RALGAPA2: variants seen among roughly 807,000 people sequenced by gnomAD.
RALGAPA2 encodes the protein ral GTPase-activating protein subunit alpha-2.
Under a neutral mutation model 230.4 loss-of-function variants are expected in RALGAPA2, and 139 were observed. The ratio of observed to expected loss-of-function variants is 0.60; its 90% CI spans 0.53 to 0.69. The LOEUF (loss-of-function observed/expected upper bound fraction) is 0.69. RALGAPA2 is among the 30% of genes least tolerant of loss of function. The probability of loss-of-function intolerance (pLI) is 0.00; values close to 1 mark genes in which losing one functional copy is unlikely to be tolerated. For synonymous variants in RALGAPA2, 847 were observed against 837.8 expected, an observed-to-expected ratio of 1.01 and a Z score of -0.19; for missense variants, 2,163 against 2,276.0, an observed-to-expected ratio of 0.95 and a Z score of 1.01.
At chr20:20,701,509 C>T (rs1484969533) in intron 1 of RALGAPA2, among the ~76,000 whole-genome samples, 4 of 151,552 alleles carry the variant, frequency 2.6e-5, no homozygotes, top group Non-Finnish European at 5.9e-5. Flanking sequence ...GAGGCCAAGG[C>T]GGGCAGATCA....
chr20:20,489,488 A>C (rs1005292473), intron 36 of RALGAPA2, among the ~76,000 whole-genome samples: 1 of 152,142 alleles, frequency 6.6e-6, no homozygotes, highest in Non-Finnish European at 1.5e-5. Flanking sequence ...ATATAAAAAA[A>C]TAAGTGTACT....
chr20:20,417,186 G>A (rs1239264563), intron 37 of RALGAPA2, among the ~76,000 whole-genome samples: 1 of 152,180 alleles, frequency 6.6e-6, no homozygotes, highest in Non-Finnish European at 1.5e-5. Context: ...ATTAGGGTGT[G>A]TAAAAGGTTG....
chr20:20,648,786 G>T (rs1460840235), intron 4 of RALGAPA2, among the ~76,000 whole-genome samples: 1 of 152,146 alleles, frequency 6.6e-6, no homozygotes, highest in East Asian at 1.9e-4. Flanking sequence ...GGAGGTAGAA[G>T]ATGGCATGTA....
intron 23 of RALGAPA2, among the ~76,000 whole-genome samples, chr20:20,566,154 C>G (rs1456044158): frequency 6.6e-6 from 1 of 152,174 alleles, no homozygotes; most frequent in Non-Finnish European, 1.5e-5. Context: ...CACCACTCCC[C>G]ACATCTACCT....
At chr20:20,397,392 G>T (rs2059739201) in intron 38 of RALGAPA2, among the ~76,000 whole-genome samples, 1 of 152,228 alleles carries the variant, frequency 6.6e-6, no homozygotes, top group South Asian at 2.1e-4. Flanking sequence ...TAGTCACACA[G>T]AACTGAGGGG....
chr20:20,691,129 ACT>A (rs2068888920), intron 1 of RALGAPA2, among the ~76,000 whole-genome samples: 1 of 151,660 alleles, frequency 6.6e-6, no homozygotes, highest in African/African-American at 2.4e-5. Flanking sequence ...CAAGAAATCC[ACT>A]CTCTCGTCAC....
chr20:20,712,268 ATCCCCCT>A lies in RALGAPA2; in HGVS notation c.106+100_106+106del. 8.9e-5 allele frequency: 31 copies of A among 346,856 alleles called. No homozygotes were observed. Among genetic ancestry groups the A allele is most frequent in the East Asian group, 1.5e-4 (1 of 6,822 alleles). The allele number at this position is 346,856 out of a possible 1,614,324, so 21.5% of individuals were successfully genotyped here. A position where few individuals can be genotyped will look rare whatever the true frequency, so the allele number is the denominator to read the frequency against. On this transcript the variant is annotated intron_variant, in intron 1 of 39. Coordinates refer to ENST00000202677, the MANE Select transcript of RALGAPA2 (RefSeq NM_020343.4). The surrounding 1 kb of genome is among the most constrained non-coding windows in gnomAD (Gnocchi z 5.5). ...AGGGAAGGGGGTCGGACGCCCACCC[ATCCCCCT>A]CCCCAGCCTCCCAGCCACCGACCCC...
At chr20:20,662,526 T>C (rs2067816942) in intron 3 of RALGAPA2, among the ~76,000 whole-genome samples, 1 of 151,996 alleles carries the variant, frequency 6.6e-6, no homozygotes, top group African/African-American at 2.4e-5. Flanking sequence ...AAGAAATCAA[T>C]AAAAATAAAA....
intron 4 of RALGAPA2, among the ~76,000 whole-genome samples, chr20:20,647,351 A>G (rs2067250285): frequency 6.6e-6 from 1 of 152,204 alleles, no homozygotes; most frequent in Non-Finnish European, 1.5e-5. Flanking sequence ...CTCTGGGCTA[A>G]TGGTATGCCA....
chr20:20,472,735 A>C, intron 37 of RALGAPA2, 94 bp downstream of exon 37: 2 of 1,373,888 alleles, frequency 1.5e-6, no homozygotes, highest in South Asian at 3.6e-5. Context: ...TTCCCTCTTC[A>C]ATTCAGTTTT....
chr20:20,593,097 C>T (rs1436948116), intron 16 of RALGAPA2, among the ~76,000 whole-genome samples: 1 of 152,180 alleles, frequency 6.6e-6, no homozygotes, highest in Non-Finnish European at 1.5e-5. Context: ...TTTGTCTTTT[C>T]ACAGAGATGG....
At chr20:20,428,056 T>G (rs960597988) in intron 37 of RALGAPA2, among the ~76,000 whole-genome samples, 3 of 152,164 alleles carry the variant, frequency 2.0e-5, no homozygotes, top group Non-Finnish European at 4.4e-5. Context: ...AAATAAAATT[T>G]CAGAAAAAAA....
At position 20,695,836 on chromosome 20, in the gene RALGAPA2, T is replaced by A. The variant is rs540540534; in HGVS notation, c.107-15035A>T. Among the ~76,000 whole-genome samples the A allele has an allele frequency of 2.3e-4, 35 of 152,324 alleles. 1 individual carries two copies. The Middle Eastern group carries it at 0.02, about 89-fold the overall frequency. ...CCAACATAAAGCACAACTGGGGTCC[T>A]AATTTGGGTGGATATCTGATGTGGA... On this transcript the variant is annotated intron_variant, in intron 1 of 39. Coordinates refer to ENST00000202677, the MANE Select transcript of RALGAPA2 (RefSeq NM_020343.4).
intron 24 of RALGAPA2, among the ~76,000 whole-genome samples, chr20:20,541,134 T>C (rs946287815): frequency 2.0e-5 from 3 of 152,040 alleles, no homozygotes; most frequent in African/African-American, 7.2e-5. Flanking sequence ...TTTGTCTTTT[T>C]GGTGAAAGCC....
At chr20:20,447,120 GTC>G (rs1329285626) in intron 37 of RALGAPA2, among the ~76,000 whole-genome samples, 6 of 152,142 alleles carry the variant, frequency 3.9e-5, no homozygotes, top group African/African-American at 1.4e-4. Flanking sequence ...AGTGGTTTGA[GTC>G]TCTTTTTCAA....
In RALGAPA2 at chr20:20,491,210, C is replaced by G. The variant is rs114919298; in HGVS notation, c.5367+3907G>C. ...TCCTGTCTTACTACTTCCCCTCCTA[C>G]GCTTTTCACAAATCACTGAATCACT... On this transcript the variant is annotated intron_variant, in intron 36 of 39. Transcript: ENST00000202677. Among the ~76,000 whole-genome samples, 292 of 152,278 alleles carry G rather than the reference C, an allele frequency of 1.9e-3. 1 individual carries two copies. The highest frequency in any genetic ancestry group is 6.8e-3 in the African/African-American group (282 of 41,554).
In RALGAPA2 at chr20:20,413,528, TTAAAG is replaced by T. The variant is rs375560489; in HGVS notation, c.5496-1385_5496-1381del. The stretch of plus-strand genomic sequence containing the variant: ...ATATCTCATTTTAAATCTGAATTAA[TTAAAG>T]TAAAGAGCTAAAATTCAGTTGCTTT... On this transcript the variant is annotated intron_variant, in intron 37 of 39. Coordinates refer to ENST00000202677, the MANE Select transcript of RALGAPA2 (RefSeq NM_020343.4). Among the ~76,000 whole-genome samples, 869 of 152,242 alleles carry T rather than the reference TTAAAG, an allele frequency of 5.7e-3. 6 individuals carry two copies. Among genetic ancestry groups the T allele is most frequent in the African/African-American group, 0.015 (614 of 41,524 alleles).
At chr20:20,622,263 G>GA (rs772651491) in intron 10 of RALGAPA2, among the ~76,000 whole-genome samples, 5 of 150,568 alleles carry the variant, frequency 3.3e-5, no homozygotes, top group South Asian at 4.2e-4. Context: ...TGGAGATGCA[G>GA]AAAAAAACAG....
At chr20:20,700,082 T>A (rs2069286051) in intron 1 of RALGAPA2, among the ~76,000 whole-genome samples, 1 of 151,990 alleles carries the variant, frequency 6.6e-6, no homozygotes, top group Non-Finnish European at 1.5e-5. Flanking sequence ...GTGGATTGGA[T>A]AAAGAAAATG....
Sources: allele counts gnomAD v4.1 joint callset (sites outside exome capture counted in the v4.1 genomes callset), GRCh38; gene constraint gnomAD v4.1.1; non-coding constraint Gnocchi (gnomAD v3.1); transcripts MANE v1.5; gene names NCBI Gene and HGNC (gene_info 2026-07-23, HGNC 2026-07-21).